EDNRB: variants seen among roughly 807,000 people sequenced by gnomAD.
EDNRB encodes the protein endothelin receptor type B.
Under a neutral mutation model 46.4 loss-of-function variants are expected in EDNRB, and 18 were observed. The observed-to-expected ratio is 0.39, with a 90% confidence interval of 0.27 to 0.57. EDNRB has a LOEUF of 0.57. Among genes scored for constraint, EDNRB ranks in the 20% least tolerant of loss-of-function variants. EDNRB has a pLI of 0.61. For synonymous variants in EDNRB, 213 were observed against 204.9 expected (o/e 1.04, Z -0.34); for missense variants, 434 against 537.5 (o/e 0.81, Z 1.90).
At chr13:77,898,378 C>A (rs1878748511) in intron 6 of EDNRB, 44 bp from the exon 7 acceptor site, 1 of 1,608,374 alleles carries the variant, frequency 6.2e-7, no homozygotes, top group African/African-American at 1.3e-5. Flanking sequence ...CATCAGTCAC[C>A]TTTCCCAACT....
chr13:77,935,272 C>T (rs536405293), intron 1 of EDNRB, among the ~76,000 whole-genome samples: 61 of 152,278 alleles, frequency 4.0e-4, no homozygotes, highest in Non-Finnish European at 5.0e-4. Flanking sequence ...GGCTACAGGG[C>T]GCAGTCCCAG....
upstream of EDNRB, chr13:77,919,490 G>T (rs770708408): frequency 1.1e-5 from 18 of 1,612,728 alleles, no homozygotes; most frequent in South Asian, 1.9e-4. Context: ...CTCTGGGAGA[G>T]GAGCACGCCT....
At chr13:77,921,147 C>T (rs1880075544), upstream of EDNRB, among the ~76,000 whole-genome samples, 1 of 152,206 alleles carries the variant, frequency 6.6e-6, no homozygotes, top group Admixed American at 6.5e-5. Context: ...ATTTCTTTTA[C>T]AGGACAGGGA....
chr13:77,897,216 G>A lies in EDNRB; in HGVS notation c.*984C>T. On this transcript the variant is annotated 3_prime_UTR_variant, in exon 7 of 7. Coordinates refer to ENST00000646607, the MANE Select transcript of EDNRB (RefSeq NM_001122659.3). ...TCCATCGTAAAGCTATGAGCACAGG[G>A]CCTGCCCTCATTTAATCATCTACAT... The A allele has an allele frequency of 1.0e-6, 1 of 985,248 alleles. No individual in the cohort carries two copies. The highest frequency in any genetic ancestry group is 6.2e-5 in the Admixed American group (1 of 16,244). The allele number at this position is 985,248 out of a possible 1,614,324, so 61.0% of individuals were successfully genotyped here.
chr13:77,950,143 A>G (rs927800613), intron 1 of EDNRB, among the ~76,000 whole-genome samples: 1 of 152,328 alleles, frequency 6.6e-6, no homozygotes, highest in African/African-American at 2.4e-5. Context: ...GTTAAACTAT[A>G]CGTCAGAGTT....
intron 1 of EDNRB, chr13:77,939,499 A>G (rs1294523336): frequency 1.3e-5 from 2 of 152,236 alleles, no homozygotes; most frequent in African/African-American, 4.8e-5. Flanking sequence ...CTTTCTTCAT[A>G]AATTCATTGG....
chr13:77,961,693 T>C (rs986620968), intron 1 of EDNRB, among the ~76,000 whole-genome samples: 20 of 152,202 alleles, frequency 1.3e-4, no homozygotes, highest in Non-Finnish European at 2.5e-4. Flanking sequence ...GATCTAAAAT[T>C]GACACCCTAA....
intron 1 of EDNRB, among the ~76,000 whole-genome samples, chr13:77,912,913 G>T (rs1206697401): frequency 6.6e-6 from 1 of 152,080 alleles, no homozygotes; most frequent in Non-Finnish European, 1.5e-5. Context: ...CTCTCCCAAT[G>T]ATACCCTTAC....
chr13:77,931,469 T>C (rs1366726402), intron 1 of EDNRB, among the ~76,000 whole-genome samples: 1 of 152,160 alleles, frequency 6.6e-6, no homozygotes, highest in African/African-American at 2.4e-5. Flanking sequence ...AATTACCTGA[T>C]CCAAGCTTTC....
chr13:77,903,811 C>A (rs1371686741), intron 1 of EDNRB, among the ~76,000 whole-genome samples: 1 of 151,884 alleles, frequency 6.6e-6, no homozygotes, highest in Non-Finnish European at 1.5e-5. Context: ...GAAAATGCAG[C>A]CAGCTTATAA....
At chr13:77,968,168 AT>A (rs1398833108) in intron 1 of EDNRB, among the ~76,000 whole-genome samples, 1,842 of 150,986 alleles carry the variant, frequency 0.012, 38 homozygotes, top group African/African-American at 0.041. Context: ...ACTATAATGC[AT>A]TTTTTTTTAA....
chr13:77,923,870 CT>C (rs1880158545), upstream of EDNRB, among the ~76,000 whole-genome samples: 1 of 151,274 alleles, frequency 6.6e-6, no homozygotes, highest in African/African-American at 2.4e-5. Context: ...CCACAGCAGG[CT>C]TTTTTTCTTC....
chr13:77,897,540 A>G lies in EDNRB; in HGVS notation c.*660T>C, dbSNP rs1225297559. The G allele has an allele frequency of 1.0e-6, 1 of 983,926 alleles. No individual in the cohort carries two copies. Among genetic ancestry groups the G allele is most frequent in the African/African-American group, 1.7e-5 (1 of 57,160 alleles). The allele number at this position is 983,926 out of a possible 1,614,324, so 60.9% of individuals were successfully genotyped here. ...CTGTTACATGCTGCTTGTTTGTGAC[A>G]TGTTGGTTACATATTGCAGAATGCT... On this transcript the variant is annotated 3_prime_UTR_variant, in exon 7 of 7. Transcript: ENST00000646607.
chr13:77,945,463 C>T (rs575572902), intron 1 of EDNRB, among the ~76,000 whole-genome samples: 69 of 152,268 alleles, frequency 4.5e-4, no homozygotes, highest in African/African-American at 1.6e-3. Flanking sequence ...TGAAAATTAA[C>T]AACTTTTCTT....
chr13:77,965,232 C>T (rs940863498), intron 1 of EDNRB, among the ~76,000 whole-genome samples: 11 of 152,122 alleles, frequency 7.2e-5, no homozygotes, highest in Admixed American at 2.0e-4. Context: ...CATTCTTACT[C>T]CACTATTAGC....
At chr13:77,923,227 TTTAA>T (rs778352302), upstream of EDNRB, among the ~76,000 whole-genome samples, 18 of 152,252 alleles carry the variant, frequency 1.2e-4, no homozygotes, top group Non-Finnish European at 2.2e-4. Flanking sequence ...TATGGTCTAC[TTTAA>T]TTAAAATTAG....
At chr13:77,951,869 A>G (rs1881099989) in intron 1 of EDNRB, among the ~76,000 whole-genome samples, 1 of 152,122 alleles carries the variant, frequency 6.6e-6, no homozygotes, top group Admixed American at 6.5e-5. Flanking sequence ...TTACTCAAGT[A>G]TGCACCCCAC....
At chr13:77,910,587 G>T (rs1298508474) in intron 1 of EDNRB, among the ~76,000 whole-genome samples, 3 of 151,958 alleles carry the variant, frequency 2.0e-5, no homozygotes, top group Non-Finnish European at 2.9e-5. Flanking sequence ...GTGCCCTGAA[G>T]GACAAATATA....
At chr13:77,908,938 A>T (rs1287512785) in intron 1 of EDNRB, among the ~76,000 whole-genome samples, 1 of 152,044 alleles carries the variant, frequency 6.6e-6, no homozygotes, top group Non-Finnish European at 1.5e-5. Flanking sequence ...CATAACTGGC[A>T]CTGGTTTTCA....
Sources: allele counts gnomAD v4.1 joint callset (sites outside exome capture counted in the v4.1 genomes callset), GRCh38; gene constraint gnomAD v4.1.1; transcripts MANE v1.5; gene names NCBI Gene and HGNC (gene_info 2026-07-23, HGNC 2026-07-21).